The following ARHGEF40 variants were observed in gnomAD, a reference collection of about 807,000 sequenced individuals.
ARHGEF40 encodes Rho guanine nucleotide exchange factor (GEF) 40.
In ARHGEF40, 98 loss-of-function variants were observed where a neutral mutation model predicts 165.9. The ratio of observed to expected loss-of-function variants is 0.59; its 90% CI spans 0.50 to 0.70. ARHGEF40 has a LOEUF of 0.70. Ranked by LOEUF, ARHGEF40 falls within the 30% of genes least tolerant of loss-of-function variation. The pLI, the probability that ARHGEF40 is intolerant of heterozygous loss-of-function variation, is 0.00. For missense variants in ARHGEF40, 1,815 were observed against 1,968.0 expected (o/e 0.92, Z 1.47); for synonymous variants, 792 against 814.3 (o/e 0.97, Z 0.47).
rs1485226560 is a variant in ARHGEF40 at position 21,070,351 on chromosome 14, G to A, written c.-46G>A. On this transcript the variant is annotated 5_prime_UTR_variant, in exon 1 of 24. Coordinates refer to ENST00000298694, the MANE Select transcript of ARHGEF40 (RefSeq NM_018071.5). This position sits in a 1 kb window ranked among gnomAD's most constrained non-coding sequence, Gnocchi z 4.7. The stretch of plus-strand genomic sequence containing the variant: ...CGGGAGGGAGGCGGTGGCGCGCCCG[G>A]CCCCGCCCGCCCGACCAAGCGTCGG... 1.4e-6 allele frequency: 2 copies of A among 1,404,046 alleles called. No homozygotes were observed. The highest frequency in any genetic ancestry group is 6.1e-5 in the East Asian group (2 of 32,538). 87.0% of individuals were successfully genotyped at this position (1,404,046 alleles called of 1,614,324 possible).
At chr14:21,062,289 G>A in the ARHGEF40 span, among the ~76,000 whole-genome samples, 11 of 152,056 alleles carry the variant, frequency 7.2e-5, no homozygotes, top group Admixed American at 2.6e-4. Context: ...TATATTTTCC[G>A]GTGTTAATAT....
chr14:21,070,273 C>G (rs1886591689), upstream of ARHGEF40: 1 of 1,065,860 alleles, frequency 9.4e-7, no homozygotes, highest in Admixed American at 4.5e-5. This position sits in a 1 kb window ranked among gnomAD's most constrained non-coding sequence, Gnocchi z 4.7. Flanking sequence ...GCGGGCCGAG[C>G]CGCCACCGCG....
chr14:21,080,556 A>G, intron 11 of ARHGEF40, 104 bp from the exon 12 acceptor site: 2 of 1,321,488 alleles, frequency 1.5e-6, no homozygotes, highest in Non-Finnish European at 2.1e-6. Flanking sequence ...GCAATAGTTC[A>G]CTCAAAGTTC....
rs1202607363 is a variant in ARHGEF40 at position 21,081,506 on chromosome 14, T to C, written c.2641-3T>C. 1.9e-5 allele frequency: 31 copies of C among 1,612,664 alleles called. No homozygotes were observed. The highest frequency in any genetic ancestry group is 2.5e-5 in the Non-Finnish European group (30 of 1,179,822). On this transcript the variant is annotated splice_region_variant and splice_polypyrimidine_tract_variant and intron_variant, in intron 13 of 23. Transcript: ENST00000298694. ...CCCATCCCCAACCCCTTTGACTTCG[T>C]AGGCACATGAATGGGTGGATGAGGG...
In ARHGEF40 at chr14:21,075,327, T is replaced by C; in HGVS notation, c.1451-5T>C. 6.2e-7 allele frequency: 1 copy of C among 1,613,870 alleles called. No homozygotes were observed. Among genetic ancestry groups the C allele is most frequent in the South Asian group, 1.1e-5 (1 of 91,072 alleles). ...AGTCCCATGTTTCTGTCTGTGTCTG[T>C]GCAGGACACACAGGCCCAGAAGGCC... On this transcript the variant is annotated splice_region_variant and splice_polypyrimidine_tract_variant and intron_variant, in intron 3 of 23. Transcript: ENST00000298694. The surrounding 1 kb of genome is among the most constrained non-coding windows in gnomAD (Gnocchi z 4.5).
intron 6 of ARHGEF40, 28 bp from the exon 7 acceptor site, chr14:21,076,535 G>A (rs1051594867): frequency 6.2e-7 from 1 of 1,614,138 alleles, no homozygotes; most frequent in African/African-American, 1.3e-5. Flanking sequence ...CGATTGCCCA[G>A]TTTAGGGTTA....
At chr14:21,083,030 C>G in intron 16 of ARHGEF40, 113 bp downstream of exon 16, 1 of 887,216 alleles carries the variant, frequency 1.1e-6, no homozygotes, top group South Asian at 1.5e-5. Flanking sequence ...ACATCACCTA[C>G]CAATCATCTC....
upstream of ARHGEF40, among the ~76,000 whole-genome samples, chr14:21,066,162 T>C (rs1168384902): frequency 6.6e-6 from 1 of 152,042 alleles, no homozygotes; most frequent in Non-Finnish European, 1.5e-5. Context: ...GGCTGCAGGG[T>C]CACTAGTGGC....
chr14:21,079,850 A>T (rs1887728770), intron 11 of ARHGEF40, among the ~76,000 whole-genome samples: 1 of 152,130 alleles, frequency 6.6e-6, no homozygotes, highest in African/African-American at 2.4e-5. Flanking sequence ...GTTTAAAAAC[A>T]AGATTTGGAG....
intron 19 of ARHGEF40, chr14:21,086,701 T>G: frequency 2.9e-6 from 1 of 340,196 alleles, no homozygotes; most frequent in South Asian, 3.8e-5. Context: ...TTTTTGTGTG[T>G]GTATGTGCTC....
In ARHGEF40 at chr14:21,080,664, T is replaced by C. The variant is rs545674226; in HGVS notation, c.2378T>C (p.Leu793Ser). The stretch of plus-strand genomic sequence containing the variant: ...CTCCCACCCCATCTGCCTCAGGTGT[T>C]GCAGTGGCTCTCGGGCCCAGGGGAG... ...RQCLRRLQQV[L>S]QWLSGPGEEQ... is the part of the protein sequence containing the mutation. The change falls in exon 12 of 24, where the codon TTG (leucine) becomes TCG (serine). Residue 793 changes from leucine to serine, a missense_variant. Transcript: ENST00000298694. 1.9e-6 allele frequency: 3 copies of C among 1,610,134 alleles called. No homozygotes were observed. The South Asian group carries it at 3.3e-5, about 18-fold the overall frequency.
upstream of ARHGEF40, among the ~76,000 whole-genome samples, chr14:21,066,366 C>CTGGA (rs1384632152): frequency 6.7e-6 from 1 of 150,228 alleles, no homozygotes; most frequent in Non-Finnish European, 1.5e-5. Flanking sequence ...TGTCGCCAGG[C>CTGGA]TGGAGTGCAG....
upstream of ARHGEF40, among the ~76,000 whole-genome samples, chr14:21,066,230 G>T (rs2139171157): frequency 6.6e-6 from 1 of 152,194 alleles, no homozygotes; most frequent in African/African-American, 2.4e-5. Flanking sequence ...GAAAAGGAGA[G>T]ATAGGCAGAA....
the ARHGEF40 span, among the ~76,000 whole-genome samples, chr14:21,061,366 G>T: frequency 1.3e-5 from 2 of 152,286 alleles, no homozygotes; most frequent in South Asian, 2.1e-4. Flanking sequence ...CCAAACAAGT[G>T]GGGGTAGCAA....
At position 21,076,592 on chromosome 14, in the gene ARHGEF40, G is replaced by T. The variant is rs1887440582; in HGVS notation, c.1866G>T (p.Arg622=). 1.9e-6 allele frequency: 3 copies of T among 1,614,070 alleles called. No homozygotes were observed. The South Asian group carries it at 3.3e-5, about 18-fold the overall frequency. ...QDSGDPPLVQ[R]LLILIHDDLP... ...CAGGAGATCCTCCCCTTGTTCAGCG[G>T]CTGCTGATTCTCATTCATGATGACC... Residue 622 remains arginine (R), a synonymous_variant, in exon 7 of 24, where the codon CGG becomes CGT. Transcript: ENST00000298694.
upstream of ARHGEF40, among the ~76,000 whole-genome samples, chr14:21,066,737 G>A (rs1317950838): frequency 1.3e-5 from 2 of 152,242 alleles, no homozygotes; most frequent in Non-Finnish European, 2.9e-5. Flanking sequence ...TAATGTGCTA[G>A]CACAGGCAAG....
At chr14:21,077,999 G>C (rs1887564075) in intron 8 of ARHGEF40, among the ~76,000 whole-genome samples, 178 bp from the exon 9 acceptor site, 1 of 152,226 alleles carries the variant, frequency 6.6e-6, no homozygotes, top group South Asian at 2.1e-4. Context: ...TTGAGGAACT[G>C]AAGTTCAGGA....
intron 18 of ARHGEF40, among the ~76,000 whole-genome samples, chr14:21,085,448 C>T (rs928486664): frequency 2.0e-5 from 3 of 152,206 alleles, no homozygotes; most frequent in South Asian, 2.1e-4. Context: ...GATCCAATTC[C>T]GGCTCTAATA....
rs746264409 is a variant in ARHGEF40, at chr14:21,074,126, G to A, written c.396G>A (p.Gln132=). Residue 132 remains glutamine, a synonymous_variant, in exon 3 of 24, where the codon CAG becomes CAA. Transcript: ENST00000298694. The surrounding 1 kb of genome is among the most constrained non-coding windows in gnomAD (Gnocchi z 4.8). The part of the protein sequence containing the change: ...KCLAPGGGRV[Q]EVPVPNEACA... ...TGGCCCCTGGGGGTGGGCGGGTGCA[G>A]GAGGTTCCTGTGCCCAATGAGGCTT... The A allele has an allele frequency of 3.8e-5, 62 of 1,614,008 alleles. No homozygotes were observed. The highest frequency in any genetic ancestry group is 4.6e-5 in the Non-Finnish European group (54 of 1,180,032).
Sources: allele counts gnomAD v4.1 joint callset (sites outside exome capture counted in the v4.1 genomes callset), GRCh38; gene constraint gnomAD v4.1.1; non-coding constraint Gnocchi (gnomAD v3.1); transcripts MANE v1.5; gene names NCBI Gene and HGNC (gene_info 2026-07-23, HGNC 2026-07-21).